STX1B: variants seen among roughly 807,000 people sequenced by gnomAD.
STX1B encodes syntaxin-1B.
Under a neutral mutation model 39.4 loss-of-function variants are expected in STX1B, and 7 were observed. The observed-to-expected ratio is 0.18, with a 90% CI of 0.10 to 0.33. The LOEUF is 0.33. Among genes scored for constraint, STX1B ranks in the 10% least tolerant of loss-of-function variants. The pLI, the probability that STX1B is intolerant of heterozygous loss-of-function variation, is 1.00. For missense variants in STX1B, 198 were observed against 383.2 expected, an observed-to-expected ratio of 0.52 and a Z score of 4.04; for synonymous variants, 136 against 144.1, an observed-to-expected ratio of 0.94 and a Z score of 0.40.
chr16:31,008,905 CAT>C (rs529783026), intron 1 of STX1B, among the ~76,000 whole-genome samples: 33 of 152,166 alleles, frequency 2.2e-4, no homozygotes, highest in Admixed American at 8.5e-4. Flanking sequence ...TAACCAGTCT[CAT>C]AGGATTGCTG....
intron 4 of STX1B, 105 bp from the exon 5 acceptor site, chr16:30,997,680 G>A: frequency 9.1e-7 from 1 of 1,104,492 alleles, no homozygotes. Context: ...CAGGCCCGGG[G>A]AGAAACGTCA....
rs755940173 is a variant in STX1B, at chr16:30,992,869, C to T, written c.819G>A (p.Val273=). 1 of 1,613,950 alleles carries T rather than the reference C, an allele frequency of 6.2e-7. No homozygotes were observed. Among genetic ancestry groups the T allele is most frequent in the South Asian group, 1.1e-5 (1 of 91,080 alleles). Residue 273 remains valine, a synonymous_variant, in exon 10 of 10, where the codon GTG becomes GTA. Transcript: ENST00000215095. ...TGGATGACGCCAAGACCACCCCCAG[C>T]ACCACACAGCAAATGATGATCATGA... ...KKIMIIICCV[V]LGVVLASSIG... is the part of the protein sequence containing the mutation.
intron 4 of STX1B, among the ~76,000 whole-genome samples, chr16:30,999,371 T>C (rs939757202): frequency 3.9e-5 from 6 of 152,338 alleles, no homozygotes; most frequent in Non-Finnish European, 8.8e-5. Flanking sequence ...GTAGCTGATA[T>C]AGCTCCTCTT....
chr16:31,002,972 C>T (rs1357374376), intron 1 of STX1B, among the ~76,000 whole-genome samples: 2 of 152,140 alleles, frequency 1.3e-5, no homozygotes, highest in East Asian at 1.9e-4. Flanking sequence ...CTGAACTAGC[C>T]GAGGCTCACA....
In STX1B at chr16:31,000,934, A is replaced by G. The variant is rs139004170; in HGVS notation, c.274T>C (p.Leu92=). Residue 92 remains leucine (L), a synonymous_variant, in exon 4 of 10, where the codon TTG becomes CTG. Transcript: ENST00000215095. ...KKTANKVRSK[L]KAIEQSIEQE... ...GAGGGATTGTACTCCTCACCTTTCA[A>G]TTTGGACCGAACCTTGTTGGCCGTC... The G allele has an allele frequency of 3.6e-5, 58 of 1,613,850 alleles. No homozygotes were observed. The highest frequency in any genetic ancestry group is 6.7e-5 in the African/African-American group (5 of 74,864).
At chr16:31,008,586 G>C (rs2056665718) in intron 1 of STX1B, among the ~76,000 whole-genome samples, 1 of 152,134 alleles carries the variant, frequency 6.6e-6, no homozygotes, top group Non-Finnish European at 1.5e-5. Context: ...TGTGACCTTT[G>C]GAAAGTTATT....
chr16:30,996,976 G>T lies in STX1B; in HGVS notation c.438C>A (p.Asp146Glu). Residue 146 changes from aspartate to glutamate, a missense_variant, in exon 6 of 10, where the codon GAC becomes GAA. Coordinates refer to ENST00000215095, the MANE Select transcript of STX1B (RefSeq NM_052874.5). ...TGATCTCCAGTTGCCGCTGGATCCGGTCCTTGCAGCGGTCCCGGTACTTGG... is the reference window on the plus strand; with the variant it reads ...TGATCTCCAGTTGCCGCTGGATCCGTTCCTTGCAGCGGTCCCGGTACTTGG... ...TQSKYRDRCKDRIQRQLEITG... is the reference protein window; with the variant it reads ...TQSKYRDRCKERIQRQLEITG... The T allele has an allele frequency of 1.2e-6, 2 of 1,613,572 alleles. No homozygotes were observed. Among genetic ancestry groups the T allele is most frequent in the African/African-American group, 1.3e-5 (1 of 74,874 alleles).
chr16:31,001,429 C>T lies in STX1B; in HGVS notation c.105+100G>A. On this transcript the variant is annotated intron_variant, in intron 2 of 9. Transcript: ENST00000215095. The surrounding 1 kb of genome is among the most constrained non-coding windows in gnomAD (Gnocchi z 5.5). ...TAGGGGCTGGGGCTGGGTGCTGGGGCTGGGGCTGGGTGCCGGGGCTGAGGC... is the reference window on the plus strand; with the variant it reads ...TAGGGGCTGGGGCTGGGTGCTGGGGTTGGGGCTGGGTGCCGGGGCTGAGGC... The T allele has an allele frequency of 1.3e-6, 1 of 747,440 alleles. No individual in the cohort carries two copies. Among genetic ancestry groups the T allele is most frequent in the South Asian group, 1.9e-5 (1 of 51,908 alleles). 46.3% of individuals were successfully genotyped at this position (747,440 alleles called of 1,614,324 possible).
Position 31,001,146 on chromosome 16 carries a change from C to T in STX1B, c.153G>A (p.Glu51=). ...TGGCGCTATGCTGTTTTTTCACCTG[C>T]TCCACATCCTCCGACAGTTTCTCAA... ...GCIEKLSEDV[E]QVKKQHSAIL... Residue 51 remains glutamate (E), a synonymous_variant, in exon 3 of 10, where the codon GAG becomes GAA. Transcript: ENST00000215095. The surrounding 1 kb of genome is among the most constrained non-coding windows in gnomAD (Gnocchi z 5.5). The T allele has an allele frequency of 1.9e-6, 3 of 1,614,134 alleles. No homozygotes were observed. The highest frequency in any genetic ancestry group is 1.1e-5 in the South Asian group (1 of 91,082).
chr16:30,999,374 C>T (rs905821092), intron 4 of STX1B, among the ~76,000 whole-genome samples: 4 of 152,208 alleles, frequency 2.6e-5, no homozygotes, highest in Non-Finnish European at 5.9e-5. Flanking sequence ...GCTGATATAG[C>T]TCCTCTTCCC....
Position 31,001,110 on chromosome 16 carries a change from T to C in STX1B, c.189A>G (p.Ala63=). Residue 63 remains alanine, a synonymous_variant, in exon 3 of 10, where the codon GCA becomes GCG. Coordinates refer to ENST00000215095, the MANE Select transcript of STX1B (RefSeq NM_052874.5). The surrounding 1 kb of genome is among the most constrained non-coding windows in gnomAD (Gnocchi z 5.5). ...VKKQHSAILA[A]PNPDEKTKQE... Reference sequence around the variant, plus strand: ...CACACTCACTCTCATCTGGGTTGGGTGCGGCCAGGATGGCGCTATGCTGTT... The same window carrying C: ...CACACTCACTCTCATCTGGGTTGGGCGCGGCCAGGATGGCGCTATGCTGTT... 6.2e-7 allele frequency: 1 copy of C among 1,614,190 alleles called. No individual in the cohort carries two copies. Among genetic ancestry groups the C allele is most frequent in the Non-Finnish European group, 8.5e-7 (1 of 1,180,040 alleles).
intron 1 of STX1B, among the ~76,000 whole-genome samples, chr16:31,004,453 C>T (rs2056646345): frequency 6.6e-6 from 1 of 152,122 alleles, no homozygotes; most frequent in Non-Finnish European, 1.5e-5. Context: ...GTGGGAGGAT[C>T]ACTTGAACCC....
In STX1B at chr16:30,989,774, T is replaced by C. The variant is rs4889605; in HGVS notation, c.*3047A>G. The C allele has an allele frequency of 0.99, 150,733 of 152,428 alleles. 74,559 individuals carry two copies. The highest frequency in any genetic ancestry group is 1 in the Middle Eastern group (300 of 300). The allele number at this position is 152,428 out of a possible 1,614,324, so 9.4% of individuals were successfully genotyped here. On this transcript the variant is annotated 3_prime_UTR_variant, in exon 10 of 10. Coordinates refer to ENST00000215095, the MANE Select transcript of STX1B (RefSeq NM_052874.5). ...ACGCTCAGGGCGTGGCAAGAGCGTG[T>C]GTCGACCCACGGGTACATGGGATGG...
chr16:31,010,274 GC>G (rs2056674413), intron 1 of STX1B, 92 bp downstream of exon 1: 2 of 1,018,034 alleles, frequency 2.0e-6, no homozygotes, highest in Non-Finnish European at 2.6e-6. Flanking sequence ...CTCATCCTTC[GC>G]CCCCACGTCC....
chr16:30,995,917 C>G (rs1420658889), intron 7 of STX1B, among the ~76,000 whole-genome samples: 2 of 152,148 alleles, frequency 1.3e-5, no homozygotes, highest in East Asian at 3.9e-4. Context: ...TGGTTCACGT[C>G]TGTAATCCCA....
chr16:31,005,928 C>T (rs747462255), intron 1 of STX1B, among the ~76,000 whole-genome samples: 10 of 152,242 alleles, frequency 6.6e-5, no homozygotes, highest in Non-Finnish European at 1.3e-4. Flanking sequence ...AGAGCCACCA[C>T]GGGCCTTGTG....
At position 30,992,641 on chromosome 16, in the gene STX1B, CGG is replaced by C. The variant is rs56353515; in HGVS notation, c.*178_*179del. ...GCCTGCTGCGATCTACGTGCGGGGA[CGG>C]GGGGGGGGTCCATGGCCCGGTGAGG... On this transcript the variant is annotated 3_prime_UTR_variant, in exon 10 of 10. Transcript: ENST00000215095. 6.6e-3 allele frequency: 2,648 copies of C among 398,958 alleles called. 8 individuals carry two copies. Among genetic ancestry groups the C allele is most frequent in the South Asian group, 9.3e-3 (260 of 27,820 alleles). The allele number at this position is 398,958 out of a possible 1,614,324, so 24.7% of individuals were successfully genotyped here. A position where few individuals can be genotyped will look rare whatever the true frequency, so the allele number is the denominator to read the frequency against.
chr16:31,001,956 G>A lies in STX1B; in HGVS notation c.31-353C>T, dbSNP rs2056632375. On this transcript the variant is annotated intron_variant, in intron 1 of 9. Transcript: ENST00000215095. The surrounding 1 kb of genome is among the most constrained non-coding windows in gnomAD (Gnocchi z 5.5). ...GACCCTGGGCTCCATGAAGGGTCCT[G>A]GACTAGAGTCCCGGGAGCCTGGATC... 6.6e-6 allele frequency among the ~76,000 whole-genome samples: 1 copy of A among 152,098 alleles called. No homozygotes were observed. The highest frequency in any genetic ancestry group is 1.5e-5 in the Non-Finnish European group (1 of 68,004).
intron 6 of STX1B, 73 bp downstream of exon 6, chr16:30,996,878 G>C (rs1171688921): frequency 6.4e-7 from 1 of 1,567,622 alleles, no homozygotes; most frequent in Non-Finnish European, 8.7e-7. Flanking sequence ...GCCCCCTCCA[G>C]AGAGGAAATG....
Sources: gnomAD v4.1 joint callset for allele counts (sites outside exome capture counted in the v4.1 genomes callset) on GRCh38, gnomAD v4.1.1 for gene constraint, Gnocchi (gnomAD v3.1) non-coding constraint, MANE v1.5 for transcripts, NCBI Gene and HGNC (gene_info 2026-07-23, HGNC 2026-07-21) for gene names.